NEGR1: variants seen among roughly 807,000 people sequenced by gnomAD.
The protein encoded by NEGR1 is IgLON family member 4.
NEGR1 carries 10 observed loss-of-function variants against 40.9 expected under a neutral mutation model. The ratio of observed to expected loss-of-function variants is 0.24; its 90% confidence interval spans 0.15 to 0.42. NEGR1 has a LOEUF of 0.42. Ranked by LOEUF, NEGR1 falls within the 10% of genes least tolerant of loss-of-function variation. The pLI, the probability that NEGR1 is intolerant of heterozygous loss-of-function variation, is 1.00. For synonymous variants in NEGR1, 185 were observed against 166.8 expected (o/e 1.11, Z -0.84); for missense variants, 352 against 438.9 (o/e 0.80, Z 1.77).
At chr1:71,423,281 G>A (rs1646409392) in intron 6 of NEGR1, among the ~76,000 whole-genome samples, 1 of 152,122 alleles carries the variant, frequency 6.6e-6, no homozygotes, top group Non-Finnish European at 1.5e-5. Context: ...TATCATAGTA[G>A]CTACTTAAGA....
chr1:71,512,264 C>A (rs942327603), intron 6 of NEGR1, among the ~76,000 whole-genome samples: 26 of 151,772 alleles, frequency 1.7e-4, no homozygotes, highest in African/African-American at 6.1e-4. Flanking sequence ...ACAGTTCACC[C>A]CTACAGTTTA....
intron 3 of NEGR1, among the ~76,000 whole-genome samples, chr1:71,711,511 T>C (rs1291521432): frequency 1.3e-5 from 2 of 150,902 alleles, no homozygotes; most frequent in African/African-American, 2.4e-5. Flanking sequence ...TTAGTGCTGT[T>C]AGGAAGCAGA....
intron 1 of NEGR1, among the ~76,000 whole-genome samples, chr1:71,945,885 T>C (rs980561007): frequency 6.6e-6 from 1 of 152,186 alleles, no homozygotes; most frequent in South Asian, 2.1e-4. Context: ...AGTTATAAAG[T>C]GAATTATAAA....
chr1:71,603,054 CA>C (rs1649974024), intron 5 of NEGR1, among the ~76,000 whole-genome samples: 1 of 152,090 alleles, frequency 6.6e-6, no homozygotes, highest in African/African-American at 2.4e-5. Context: ...CACGACATAG[CA>C]AAATATAATA....
intron 2 of NEGR1, among the ~76,000 whole-genome samples, chr1:71,830,331 G>T (rs1345290558): frequency 6.6e-6 from 1 of 151,850 alleles, no homozygotes; most frequent in Non-Finnish European, 1.5e-5. Context: ...GGGGCTAATA[G>T]TAAATATTTT....
chr1:71,912,389 C>G (rs1661442396), intron 2 of NEGR1, among the ~76,000 whole-genome samples: 1 of 152,226 alleles, frequency 6.6e-6, no homozygotes, highest in African/African-American at 2.4e-5. Flanking sequence ...CTGGGCATAA[C>G]TAGTTAATAA....
At chr1:71,418,796 C>T (rs1296109340) in intron 6 of NEGR1, among the ~76,000 whole-genome samples, 2 of 152,134 alleles carry the variant, frequency 1.3e-5, no homozygotes, top group Non-Finnish European at 2.9e-5. Context: ...TTCTAAAGAG[C>T]CGGCATCATA....
At chr1:71,473,812 C>A (rs1186252966) in intron 6 of NEGR1, among the ~76,000 whole-genome samples, 1 of 151,968 alleles carries the variant, frequency 6.6e-6, no homozygotes, top group African/African-American at 2.4e-5. Flanking sequence ...GCTCCAAATT[C>A]CTAATGGCTT....
chr1:71,798,435 A>G (rs1657420779), intron 2 of NEGR1, among the ~76,000 whole-genome samples: 1 of 152,222 alleles, frequency 6.6e-6, no homozygotes, highest in Non-Finnish European at 1.5e-5. Flanking sequence ...AGGTGACAAT[A>G]AAAATTACAA....
At chr1:72,246,604 T>A (rs1654910467) in intron 1 of NEGR1, among the ~76,000 whole-genome samples, 2 of 152,232 alleles carry the variant, frequency 1.3e-5, no homozygotes, top group South Asian at 4.1e-4. Context: ...ATTGCCTTTT[T>A]TATATAGGAA....
intron 2 of NEGR1, among the ~76,000 whole-genome samples, chr1:71,922,497 G>A (rs994142841): frequency 4.6e-5 from 7 of 152,142 alleles, no homozygotes; most frequent in African/African-American, 1.7e-4. Context: ...TTTCAATTAT[G>A]TTCAAAACCT....
chr1:71,471,851 C>T (rs1646784255), intron 6 of NEGR1, among the ~76,000 whole-genome samples: 1 of 152,068 alleles, frequency 6.6e-6, no homozygotes, highest in African/African-American at 2.4e-5. Context: ...TCCACAGTCC[C>T]TTCTTCACAA....
chr1:72,122,846 G>C (rs1649854004), intron 1 of NEGR1, among the ~76,000 whole-genome samples: 1 of 151,910 alleles, frequency 6.6e-6, no homozygotes, highest in Non-Finnish European at 1.5e-5. Flanking sequence ...GTGAGGTCTA[G>C]CAGCAGTGTT....
At chr1:72,154,192 C>T (rs967180170) in intron 1 of NEGR1, among the ~76,000 whole-genome samples, 2 of 151,330 alleles carry the variant, frequency 1.3e-5, no homozygotes, top group Non-Finnish European at 3.0e-5. Context: ...AGGTTTGATG[C>T]AATGAAGAGG....
intron 2 of NEGR1, among the ~76,000 whole-genome samples, 164 bp downstream of exon 2, chr1:71,934,915 T>TAAG (rs1645889666): frequency 6.6e-6 from 1 of 152,190 alleles, no homozygotes; most frequent in African/African-American, 2.4e-5. Context: ...TTCTGATGTC[T>TAAG]AGGAATGTAA....
rs758166949 is a variant in NEGR1, at chr1:71,957,844, C to CT, written c.177-22534dup. Among the ~76,000 whole-genome samples, 4 of 152,328 alleles carry CT rather than the reference C, an allele frequency of 2.6e-5. No homozygotes were observed. The East Asian group carries it at 7.7e-4, about 29-fold the overall frequency. ...AATTAATGACATTTTATAATCTGACCTATTTCGGCTTTCCAGCCATTTCTC... is the reference window on the plus strand; with the variant it reads ...AATTAATGACATTTTATAATCTGACCTTATTTCGGCTTTCCAGCCATTTCTC... On this transcript the variant is annotated intron_variant, in intron 1 of 6. Transcript: ENST00000357731.
rs542390682 is a variant in NEGR1, at chr1:71,657,889, A to G, written c.667+40119T>C. Among the ~76,000 whole-genome samples the G allele has an allele frequency of 1.2e-4, 18 of 152,362 alleles. No homozygotes were observed. The South Asian group carries it at 3.1e-3, about 26-fold the overall frequency. ...GAAGTAAATTAATAACTATAGCAGC[A>G]CAGCAGCAAAACTGTATATTCTAGT... On this transcript the variant is annotated intron_variant, in intron 4 of 6. Coordinates refer to ENST00000357731, the MANE Select transcript of NEGR1 (RefSeq NM_173808.3).
intron 1 of NEGR1, among the ~76,000 whole-genome samples, chr1:71,938,204 T>C (rs1272397905): frequency 1.3e-5 from 2 of 152,298 alleles, no homozygotes; most frequent in African/African-American, 2.4e-5. Flanking sequence ...TTCTACATTA[T>C]TATGTTAGAA....
chr1:72,157,807 C>A (rs926214430), intron 1 of NEGR1, among the ~76,000 whole-genome samples: 3 of 152,282 alleles, frequency 2.0e-5, no homozygotes, highest in African/African-American at 7.2e-5. Context: ...CCCTTTGAAG[C>A]CTTTTCCATT....
Sources: allele counts gnomAD v4.1 joint callset (sites outside exome capture counted in the v4.1 genomes callset), GRCh38; gene constraint gnomAD v4.1.1; transcripts MANE v1.5; gene names NCBI Gene and HGNC (gene_info 2026-07-23, HGNC 2026-07-21).